NUP153: variants seen among roughly 807,000 people sequenced by gnomAD.
NUP153 encodes nuclear pore complex protein Nup153.
A neutral mutation model predicts 134.6 loss-of-function variants in NUP153; 27 were observed. The observed-to-expected ratio is 0.20, with a 90% CI of 0.15 to 0.28. The LOEUF (loss-of-function observed/expected upper bound fraction) is 0.28. Ranked by LOEUF, NUP153 falls within the 10% of genes least tolerant of loss-of-function variation. The pLI is 1.00. For missense variants in NUP153, 1,821 were observed against 1,731.3 expected (o/e 1.05, Z -0.92); for synonymous variants, 640 against 623.5 (o/e 1.03, Z -0.40).
At chr6:17,661,266 A>G (rs1478880127) in intron 11 of NUP153, among the ~76,000 whole-genome samples, 1 of 152,214 alleles carries the variant, frequency 6.6e-6, no homozygotes, top group East Asian at 1.9e-4. Flanking sequence ...CTGAGCCGAG[A>G]CTGCGCCACT....
In NUP153 at chr6:17,628,948, A is replaced by G. The variant is rs778152160; in HGVS notation, c.3251T>C (p.Phe1084Ser). 8.1e-6 allele frequency: 13 copies of G among 1,614,166 alleles called. No homozygotes were observed. The highest frequency in any genetic ancestry group is 2.2e-5 in the East Asian group (1 of 44,886). The change falls in exon 18 of 22, where the codon TTT becomes TCT. Residue 1084 changes from phenylalanine to serine, a missense_variant. Physicochemically the swap from Phe to Ser is radical, Grantham distance 155. Transcript: ENST00000262077. The surrounding 1 kb of genome is among the most constrained non-coding windows in gnomAD (Gnocchi z 5.4). ...CAGAGAGGCAGGCTCCACGTTGCCAAAAGAGAATCCTCCTTTGGTGGCAGG... is the reference window on the plus strand; with the variant it reads ...CAGAGAGGCAGGCTCCACGTTGCCAGAAGAGAATCCTCCTTTGGTGGCAGG... Reference protein sequence around the residue: ...EMPATKGGFSFGNVEPASLPS... With the variant: ...EMPATKGGFSSGNVEPASLPS...
chr6:17,623,561 A>G (rs1581660821), intron 20 of NUP153, among the ~76,000 whole-genome samples: 1 of 152,190 alleles, frequency 6.6e-6, no homozygotes, highest in Non-Finnish European at 1.5e-5. Context: ...AGAAAAACAT[A>G]CATATGTGCA....
intron 11 of NUP153, among the ~76,000 whole-genome samples, chr6:17,659,450 TAAG>T (rs1767044392): frequency 3.3e-5 from 5 of 152,178 alleles, no homozygotes; most frequent in African/African-American, 1.2e-4. Context: ...TTACACAAGG[TAAG>T]ACAGCCCATT....
At chr6:17,626,803 G>A (rs1764973105) in intron 18 of NUP153, among the ~76,000 whole-genome samples, 1 of 152,104 alleles carries the variant, frequency 6.6e-6, no homozygotes, top group Admixed American at 6.5e-5. Context: ...GTGAATTTTA[G>A]AATAAGTTTA....
At chr6:17,637,045 G>A in intron 16 of NUP153, 108 bp downstream of exon 16, 4 of 1,087,892 alleles carry the variant, frequency 3.7e-6, no homozygotes, top group Non-Finnish European at 5.3e-6. Context: ...AAATTAATAT[G>A]TATGAGAAAT....
rs1191329563 is a variant in NUP153 at position 17,653,785 on chromosome 6, GA to G, written c.1396-4486del. Among the ~76,000 whole-genome samples the G allele has an allele frequency of 1.1e-4, 17 of 152,298 alleles. No individual in the cohort carries two copies. The East Asian group carries it at 1.5e-3, about 14-fold the overall frequency. On this transcript the variant is annotated intron_variant, in intron 11 of 21. Coordinates refer to ENST00000262077, the MANE Select transcript of NUP153 (RefSeq NM_005124.4). The stretch of plus-strand genomic sequence containing the variant: ...GACAACTGAAATTTCTAGGATGATA[GA>G]AATATTCAATCTCTTGATAGGGCTT...
rs531391514 is a variant in NUP153, at chr6:17,680,631, A to G, written c.335-4861T>C. Among the ~76,000 whole-genome samples, 110 of 152,246 alleles carry G rather than the reference A, an allele frequency of 7.2e-4. No individual in the cohort carries two copies. The highest frequency in any genetic ancestry group is 1.1e-3 in the Non-Finnish European group (73 of 68,040). ...TGTAAAAACTTTTATGCATCAAAGA[A>G]TGTAATCAACAGAGTAAAAGGTCAA... On this transcript the variant is annotated intron_variant, in intron 2 of 21. Coordinates refer to ENST00000262077, the MANE Select transcript of NUP153 (RefSeq NM_005124.4). The surrounding 1 kb of genome is among the most constrained non-coding windows in gnomAD (Gnocchi z 4.5).
chr6:17,693,144 T>G (rs190402676), intron 1 of NUP153, among the ~76,000 whole-genome samples: 18 of 151,304 alleles, frequency 1.2e-4, no homozygotes, highest in South Asian at 4.2e-4. Context: ...GGATTTAAAG[T>G]TTTTCTTTAC....
Position 17,706,590 on chromosome 6 carries a change from G to T in NUP153, c.-203C>A, listed in dbSNP as rs974681745. 6.5e-5 allele frequency: 38 copies of T among 580,602 alleles called. No homozygotes were observed. The East Asian group carries it at 1.1e-3, about 17-fold the overall frequency. The allele number at this position is 580,602 out of a possible 1,614,324, so 36.0% of individuals were successfully genotyped here. ...GGGTGAGTGCTGGCAGCGGGGAAGG[G>T]GGTGGCGGCCGCAGAGGCCGAGGAG... On this transcript the variant is annotated 5_prime_UTR_variant, in exon 1 of 22. Coordinates refer to ENST00000262077, the MANE Select transcript of NUP153 (RefSeq NM_005124.4). The surrounding 1 kb of genome is among the most constrained non-coding windows in gnomAD (Gnocchi z 5.9).
chr6:17,672,443 G>A lies in NUP153; in HGVS notation c.852+2462C>T, dbSNP rs986261287. On this transcript the variant is annotated intron_variant, in intron 5 of 21. Transcript: ENST00000262077. ...AAAAAAAATTTAGCTGGGAATGGTG[G>A]CACACGCCTGTGGTCCCAGCTACTC... 1.4e-4 allele frequency among the ~76,000 whole-genome samples: 22 copies of A among 152,056 alleles called. 1 individual carries two copies. The highest frequency in any genetic ancestry group is 4.4e-5 in the Non-Finnish European group (3 of 68,020).
At chr6:17,616,747 T>C in intron 20 of NUP153, 52 bp from the exon 21 acceptor site, 3 of 1,491,324 alleles carry the variant, frequency 2.0e-6, no homozygotes, top group Non-Finnish European at 2.8e-6. Context: ...ATAGGTTTTT[T>C]TGTTTGTTTG....
Position 17,706,246 on chromosome 6 carries a change from G to T in NUP153, c.111+31C>A. On this transcript the variant is annotated intron_variant, in intron 1 of 21. Coordinates refer to ENST00000262077, the MANE Select transcript of NUP153 (RefSeq NM_005124.4). This position sits in a 1 kb window ranked among gnomAD's most constrained non-coding sequence, Gnocchi z 5.9. ...CCCCTCCAGCCGAGTTTCCCCACCC[G>T]CCAGGCCACCGCGGCGTCGGGGTCC... 2 of 1,564,360 alleles carry T rather than the reference G, an allele frequency of 1.3e-6. No homozygotes were observed. The highest frequency in any genetic ancestry group is 1.8e-6 in the Non-Finnish European group (2 of 1,135,936).
chr6:17,655,614 C>T (rs1378229761), intron 11 of NUP153, among the ~76,000 whole-genome samples: 4 of 151,894 alleles, frequency 2.6e-5, no homozygotes, highest in African/African-American at 4.8e-5. Flanking sequence ...CCATCACACC[C>T]GGCTAATTTT....
At chr6:17,702,750 G>A (rs577141605) in intron 1 of NUP153, among the ~76,000 whole-genome samples, 58 of 152,252 alleles carry the variant, frequency 3.8e-4, no homozygotes, top group Middle Eastern at 3.4e-3. Flanking sequence ...AGGGGTAGGG[G>A]AGAAGGCAAG....
chr6:17,619,205 A>G (rs1764511560), intron 20 of NUP153, among the ~76,000 whole-genome samples: 1 of 152,228 alleles, frequency 6.6e-6, no homozygotes, highest in Admixed American at 6.5e-5. Flanking sequence ...AAATGCTTTC[A>G]AAATTATAAA....
At chr6:17,669,081 C>G in intron 7 of NUP153, 53 bp from the exon 8 acceptor site, 1 of 930,296 alleles carries the variant, frequency 1.1e-6, no homozygotes, top group Non-Finnish European at 1.5e-6. Context: ...TGAAAAATAC[C>G]TTTTTTTTTT....
intron 2 of NUP153, among the ~76,000 whole-genome samples, chr6:17,688,128 A>T (rs1389258444): frequency 1.3e-5 from 2 of 152,178 alleles, no homozygotes; most frequent in Non-Finnish European, 2.9e-5. Context: ...AAAAAACAAA[A>T]AAAAGAAAGA....
chr6:17,690,952 A>G (rs1192574094), intron 1 of NUP153, among the ~76,000 whole-genome samples: 1 of 151,996 alleles, frequency 6.6e-6, no homozygotes, highest in South Asian at 2.1e-4. Flanking sequence ...AGCCTGACCA[A>G]TATGATGAAA....
rs541758344 is a variant in NUP153 at position 17,662,044 on chromosome 6, G to A, written c.1242C>T (p.Pro414=). 4.5e-5 allele frequency: 72 copies of A among 1,611,486 alleles called. No homozygotes were observed. In the Middle Eastern group the frequency reaches 9.9e-4, roughly 22 times the overall value. ...CSTGYEKNMT[P]GQNREQRESG... Reference sequence around the variant, plus strand: ...TTTCTCGTTGTTCTCTATTTTGTCCGGGTGTCATATTTTTTTCATATCCAG... The same window carrying A: ...TTTCTCGTTGTTCTCTATTTTGTCCAGGTGTCATATTTTTTTCATATCCAG... The change falls in exon 10 of 22, where the codon CCC becomes CCT. Residue 414 remains proline, a synonymous_variant. Transcript: ENST00000262077.
Sources: gnomAD v4.1 joint callset for allele counts (sites outside exome capture counted in the v4.1 genomes callset) on GRCh38, gnomAD v4.1.1 for gene constraint, Gnocchi (gnomAD v3.1) non-coding constraint, MANE v1.5 for transcripts, NCBI Gene and HGNC (gene_info 2026-07-23, HGNC 2026-07-21) for gene names.